The following SPATA22 variants were observed in gnomAD, a reference collection of about 807,000 sequenced individuals.
SPATA22 encodes the protein spermatogenesis-associated protein 22.
SPATA22 carries 29 observed loss-of-function variants against 47.8 expected under a neutral mutation model. The ratio of observed to expected loss-of-function variants is 0.61; its 90% confidence interval spans 0.45 to 0.83. The LOEUF (loss-of-function observed/expected upper bound fraction) is 0.83, where lower values mean the gene tolerates loss of function less well. Ranked by LOEUF, SPATA22 falls within the 40% of genes least tolerant of loss-of-function variation. The pLI is 0.00. For missense variants in SPATA22, 410 were observed against 421.7 expected (o/e 0.97, Z 0.24); for synonymous variants, 133 against 140.9 (o/e 0.94, Z 0.40).
chr17:3,456,752 T>G (rs375757532), intron 5 of SPATA22, among the ~76,000 whole-genome samples: 1,556 of 151,306 alleles, frequency 0.01, 27 homozygotes, highest in African/African-American at 0.035. Context: ...CAAAAAAAGA[T>G]AATTTTAGAC....
At chr17:3,471,138 G>T (rs2073424301) in intron 1 of SPATA22, among the ~76,000 whole-genome samples, 1 of 151,726 alleles carries the variant, frequency 6.6e-6, no homozygotes, top group Non-Finnish European at 1.5e-5. Context: ...CTGGGCGACA[G>T]AGCGAGACTC....
intron 1 of SPATA22, among the ~76,000 whole-genome samples, chr17:3,477,642 C>T (rs929663751): frequency 8.6e-5 from 13 of 151,888 alleles, no homozygotes; most frequent in African/African-American, 2.7e-4. Context: ...TTAGTAGAGA[C>T]GGGGTTTCTC....
In SPATA22 at chr17:3,443,269, C is replaced by G. The variant is rs762317416; in HGVS notation, c.805G>C (p.Val269Leu). ...KTVLLFEVLA[V>L]LDSAVTPGPY... ...CCAGGTGTAACAGCTGAATCAAGAA[C>G]AGCTAAGCAATATTGAAATGGGGGA... Residue 269 changes from valine (V) to leucine (L), a missense_variant and splice_region_variant, in exon 8 of 9, where the codon GTT (valine) becomes CTT (leucine). Coordinates refer to ENST00000572969, the MANE Select transcript of SPATA22 (RefSeq NM_001170698.2). 5.0e-6 allele frequency: 8 copies of G among 1,597,778 alleles called. No individual in the cohort carries two copies. Among genetic ancestry groups the G allele is most frequent in the African/African-American group, 2.7e-5 (2 of 73,966 alleles).
chr17:3,492,771 A>G (rs569382625), intron 1 of SPATA22, among the ~76,000 whole-genome samples: 5 of 152,318 alleles, frequency 3.3e-5, no homozygotes, highest in East Asian at 1.9e-4. Flanking sequence ...CCCATCAGAC[A>G]TAACAGTAAG....
At chr17:3,492,169 G>A (rs963464133) in intron 1 of SPATA22, among the ~76,000 whole-genome samples, 13 of 152,152 alleles carry the variant, frequency 8.5e-5, no homozygotes, top group Non-Finnish European at 1.3e-4. Flanking sequence ...GCGCCATTGC[G>A]CCTGGCGAGA....
At chr17:3,502,061 C>T (rs1482811255) in intron 1 of SPATA22, 3 of 152,162 alleles carry the variant, frequency 2.0e-5, no homozygotes, top group Non-Finnish European at 4.4e-5. Context: ...ATCAATGCAG[C>T]GAACTTGTTG....
chr17:3,455,702 TGTA>T (rs2072974178), intron 5 of SPATA22, among the ~76,000 whole-genome samples: 1 of 144,644 alleles, frequency 6.9e-6, no homozygotes, highest in Non-Finnish European at 1.5e-5. Context: ...ACTGTAGCCT[TGTA>T]GTATAGTTTG....
At chr17:3,482,258 T>G (rs939342243) in intron 1 of SPATA22, among the ~76,000 whole-genome samples, 4 of 152,210 alleles carry the variant, frequency 2.6e-5, no homozygotes, top group Admixed American at 1.3e-4. Context: ...TAACGTAGAC[T>G]AAAGCCCAGT....
intron 2 of SPATA22, chr17:3,468,480 TATGTGGGCTCTGGA>T (rs1349878741): frequency 1.3e-5 from 2 of 152,216 alleles, no homozygotes; most frequent in Non-Finnish European, 2.9e-5. Context: ...CTGGGAGAAT[TATGTGGGCTCTGGA>T]ATCAGACCGC....
chr17:3,465,220 C>T (rs1179579764), intron 3 of SPATA22, among the ~76,000 whole-genome samples: 2 of 142,094 alleles, frequency 1.4e-5, no homozygotes, highest in East Asian at 2.0e-4. Context: ...TCTGCCCGGC[C>T]GCCCCTACTG....
chr17:3,476,846 G>A (rs1357854345), intron 1 of SPATA22, among the ~76,000 whole-genome samples: 2 of 152,192 alleles, frequency 1.3e-5, no homozygotes, highest in South Asian at 2.1e-4. Context: ...AAAATGTAAT[G>A]TTTCAAGTAA....
chr17:3,456,817 G>A (rs1338127731), intron 5 of SPATA22, among the ~76,000 whole-genome samples: 29 of 150,750 alleles, frequency 1.9e-4, no homozygotes, highest in South Asian at 1.5e-3. Context: ...CTGGCAAACC[G>A]AATCCAGCAG....
At chr17:3,505,759 T>G (rs28663437) in intron 1 of SPATA22, among the ~76,000 whole-genome samples, 24,936 of 62,438 alleles carry the variant, frequency 0.4, 2,521 homozygotes, top group Non-Finnish European at 0.46. Context: ...GTTTTTTGTT[T>G]TTTTTTTTTT....
Position 3,471,789 on chromosome 17 carries a change from C to A in SPATA22, c.-181G>T. 1 of 985,548 alleles carries A rather than the reference C, an allele frequency of 1.0e-6. No individual in the cohort carries two copies. Among genetic ancestry groups the A allele is most frequent in the Non-Finnish European group, 1.2e-6 (1 of 829,994 alleles). 61.1% of individuals were successfully genotyped at this position (985,548 alleles called of 1,614,324 possible). A position where few individuals can be genotyped will look rare whatever the true frequency, so the allele number is the denominator to read the frequency against. On this transcript the variant is annotated 5_prime_UTR_variant, in exon 1 of 9. Transcript: ENST00000572969. ...AGGCGGCCCCGTCAGCAACCGCCGC[C>A]CTTCCCGCCCGCGAAGAAAGCGCGG...
At chr17:3,442,104 T>A (rs552487337) in intron 8 of SPATA22, among the ~76,000 whole-genome samples, 2 of 152,010 alleles carry the variant, frequency 1.3e-5, no homozygotes, top group African/African-American at 4.8e-5. Flanking sequence ...CACAGAACTG[T>A]ACAGTTATGA....
intron 5 of SPATA22, among the ~76,000 whole-genome samples, chr17:3,450,572 C>A (rs924682975): frequency 9.9e-5 from 15 of 152,160 alleles, no homozygotes; most frequent in Non-Finnish European, 2.1e-4. Flanking sequence ...ACAAGTGATT[C>A]TCCTGCCTCA....
intron 5 of SPATA22, among the ~76,000 whole-genome samples, chr17:3,456,388 T>C (rs915183950): frequency 6.8e-6 from 1 of 146,688 alleles, no homozygotes; most frequent in Non-Finnish European, 1.5e-5. Context: ...CCCACAGAAA[T>C]ACAAACTACC....
At chr17:3,452,545 C>T (rs773639215) in intron 5 of SPATA22, among the ~76,000 whole-genome samples, 2 of 151,654 alleles carry the variant, frequency 1.3e-5, no homozygotes, top group African/African-American at 2.4e-5. Flanking sequence ...GAGCCGAGAT[C>T]GTGCCACTGC....
At chr17:3,469,536 A>G in intron 1 of SPATA22, 138 bp from the exon 2 acceptor site, 1 of 493,290 alleles carries the variant, frequency 2.0e-6, no homozygotes, top group Non-Finnish European at 3.6e-6. Context: ...TTTGCTTTCT[A>G]AGAGTTTACA....
Sources: allele counts gnomAD v4.1 joint callset (sites outside exome capture counted in the v4.1 genomes callset), GRCh38; gene constraint gnomAD v4.1.1; transcripts MANE v1.5; gene names NCBI Gene and HGNC (gene_info 2026-07-23, HGNC 2026-07-21).